Variants in IL36B observed in about 807,000 individuals in gnomAD.
IL36B encodes interleukin-36 beta.
IL36B carries 23 observed loss-of-function variants against 19.3 expected under a neutral mutation model. The observed-to-expected ratio is 1.19, with a 90% confidence interval of 0.86 to 1.69. The LOEUF (loss-of-function observed/expected upper bound fraction) is 1.69. Ranked by LOEUF, IL36B falls within the 40% of genes most tolerant of loss-of-function variation. IL36B has a pLI of 0.00. For synonymous variants in IL36B, 59 were observed against 59.7 expected (o/e 0.99, Z 0.05); for missense variants, 217 against 200.5 (o/e 1.08, Z -0.50).
At chr2:113,046,960 G>A (rs1001210589) in intron 1 of IL36B, among the ~76,000 whole-genome samples, 1 of 152,166 alleles carries the variant, frequency 6.6e-6, no homozygotes, top group African/African-American at 2.4e-5. Context: ...GAGTTGGATA[G>A]CTAAATAAAT....
chr2:113,039,046 G>A (rs1282368910), intron 1 of IL36B, among the ~76,000 whole-genome samples: 1 of 152,334 alleles, frequency 6.6e-6, no homozygotes, highest in African/African-American at 2.4e-5. Context: ...TAAGGGATGA[G>A]AAGGAAGGAA....
intron 1 of IL36B, among the ~76,000 whole-genome samples, chr2:113,039,012 G>A (rs550349303): frequency 4.6e-5 from 7 of 152,292 alleles, no homozygotes; most frequent in South Asian, 2.1e-4. Flanking sequence ...AAGGCAAGTC[G>A]TCGTGGGTTC....
At chr2:113,024,676 A>T (rs1282624465) in intron 5 of IL36B, among the ~76,000 whole-genome samples, 2 of 152,208 alleles carry the variant, frequency 1.3e-5, no homozygotes, top group Non-Finnish European at 2.9e-5. Flanking sequence ...CAGAGGGCAC[A>T]GGTGGTGTGA....
At chr2:113,042,856 A>C (rs917145233) in intron 1 of IL36B, among the ~76,000 whole-genome samples, 56 of 151,598 alleles carry the variant, frequency 3.7e-4, no homozygotes, top group Non-Finnish European at 5.9e-4. Context: ...ACTTTAACAG[A>C]AACTACCTTT....
intron 4 of IL36B, chr2:113,027,530 T>C (rs954324112): frequency 4.8e-5 from 49 of 1,029,730 alleles, no homozygotes; most frequent in Admixed American, 3.6e-4. Flanking sequence ...TTGAAGAAGT[T>C]GTATGAACAA....
At chr2:113,031,920 A>G (rs996091088) in intron 1 of IL36B, among the ~76,000 whole-genome samples, 154 bp from the exon 2 acceptor site, 12 of 152,314 alleles carry the variant, frequency 7.9e-5, no homozygotes, top group African/African-American at 2.9e-4. Context: ...TGGGTACAGG[A>G]CATTTCAAGG....
chr2:113,051,931 A>G (rs1275208191), intron 1 of IL36B, among the ~76,000 whole-genome samples: 1 of 149,628 alleles, frequency 6.7e-6, no homozygotes, highest in Non-Finnish European at 1.5e-5. Context: ...GTTGGTTTCT[A>G]TTATCTTCTC....
rs955475721 is a variant in IL36B, at chr2:113,029,072, A to G, written c.128T>C (p.Leu43Pro). ...TGTGTCTCTACAGGCTATTAAATGA[A>G]GAGTGACTGGAAACACAAAGGAAAA... is the stretch of plus-strand genomic sequence containing the variant. Residue 43 changes from leucine to proline, a missense_variant, in exon 4 of 6, where the codon CTT becomes CCT. Physicochemically the swap from Leu to Pro is moderately conservative, Grantham distance 98. Transcript: ENST00000259213. The G allele has an allele frequency of 1.9e-6, 3 of 1,611,890 alleles. No homozygotes were observed. The highest frequency in any genetic ancestry group is 2.5e-6 in the Non-Finnish European group (3 of 1,179,206).
At chr2:113,025,208 T>C (rs1353947016) in intron 5 of IL36B, among the ~76,000 whole-genome samples, 1 of 152,218 alleles carries the variant, frequency 6.6e-6, no homozygotes, top group Non-Finnish European at 1.5e-5. Context: ...CCTGGAGCCA[T>C]ATTGGCATAA....
At chr2:113,045,770 C>G (rs556356315) in intron 1 of IL36B, among the ~76,000 whole-genome samples, 2 of 152,256 alleles carry the variant, frequency 1.3e-5, no homozygotes, top group Admixed American at 6.5e-5. Context: ...ATATTTCATT[C>G]CAGACATGGC....
chr2:113,025,657 T>C (rs930743747), intron 5 of IL36B, among the ~76,000 whole-genome samples: 2 of 152,080 alleles, frequency 1.3e-5, no homozygotes, highest in Non-Finnish European at 2.9e-5. Flanking sequence ...TTGCCTTCGG[T>C]TGGGAAGATG....
chr2:113,043,761 C>T (rs959101832), intron 1 of IL36B, among the ~76,000 whole-genome samples: 4 of 152,182 alleles, frequency 2.6e-5, no homozygotes, highest in African/African-American at 9.7e-5. Context: ...ACCATGTTGG[C>T]CAGGCTTGTC....
intron 1 of IL36B, among the ~76,000 whole-genome samples, chr2:113,033,849 C>T (rs190983206): frequency 1.5e-4 from 23 of 152,234 alleles, no homozygotes; most frequent in South Asian, 4.1e-4. Context: ...GAGTCAGACG[C>T]GGCTTCAATG....
intron 3 of IL36B, 26 bp from the exon 4 acceptor site, chr2:113,029,104 A>G: frequency 6.2e-7 from 1 of 1,606,526 alleles, no homozygotes; most frequent in Non-Finnish European, 8.5e-7. Context: ...AAAATGGAGA[A>G]GATGTTTCAG....
chr2:113,031,630 C>A (rs1360850389), intron 2 of IL36B, 67 bp downstream of exon 2: 1 of 1,325,062 alleles, frequency 7.5e-7, no homozygotes, highest in Non-Finnish European at 1.1e-6. Context: ...AGGGGTCCTT[C>A]CATCCTATTG....
chr2:113,033,934 G>T (rs750746735), intron 1 of IL36B, among the ~76,000 whole-genome samples: 6 of 152,126 alleles, frequency 3.9e-5, no homozygotes, highest in Non-Finnish European at 8.8e-5. Flanking sequence ...ACTCTTTGTG[G>T]TTCTGCTCTT....
At position 113,044,846 on chromosome 2, in the gene IL36B, T is replaced by A. The variant is rs142482755; in HGVS notation, c.-58+7971A>T. 2.3e-3 allele frequency among the ~76,000 whole-genome samples: 357 copies of A among 152,326 alleles called. 2 individuals carry two copies. The highest frequency in any genetic ancestry group is 8.1e-3 in the African/African-American group (337 of 41,576). ...CATTTTCTGATTCAATTTTATCTCC[T>A]CTGTTAACTTACTAGTGATTACTAA... On this transcript the variant is annotated intron_variant, in intron 1 of 5. Coordinates refer to ENST00000259213, the MANE Select transcript of IL36B (RefSeq NM_014438.5).
chr2:113,048,114 C>T (rs1434924479), intron 1 of IL36B, among the ~76,000 whole-genome samples: 2 of 152,096 alleles, frequency 1.3e-5, no homozygotes, highest in East Asian at 3.9e-4. Context: ...CTGTAAGAAA[C>T]CCTCTTGAAA....
chr2:113,026,552 T>C (rs1032745354), intron 4 of IL36B, among the ~76,000 whole-genome samples: 3 of 152,222 alleles, frequency 2.0e-5, no homozygotes, highest in Non-Finnish European at 4.4e-5. Context: ...ATGCTCATGT[T>C]CATGCTCAGG....
Sources: allele counts gnomAD v4.1 joint callset (sites outside exome capture counted in the v4.1 genomes callset), GRCh38; gene constraint gnomAD v4.1.1; transcripts MANE v1.5; gene names NCBI Gene and HGNC (gene_info 2026-07-23, HGNC 2026-07-21).